The following FSTL5 variants were observed in gnomAD, a reference collection of about 807,000 sequenced individuals.
The protein encoded by FSTL5 is follistatin-related protein 5.
Under a neutral mutation model 89.1 loss-of-function variants are expected in FSTL5, and 62 were observed. The observed-to-expected ratio is 0.70, with a 90% CI of 0.57 to 0.86. The LOEUF (loss-of-function observed/expected upper bound fraction) is 0.86. FSTL5 is among the 40% of genes least tolerant of loss of function. The probability of loss-of-function intolerance (pLI) is 0.00; values close to 1 mark genes in which losing one functional copy is unlikely to be tolerated. For synonymous variants in FSTL5, 383 were observed against 346.2 expected, an observed-to-expected ratio of 1.11 and a Z score of -1.18; for missense variants, 1,057 against 1,001.6, an observed-to-expected ratio of 1.06 and a Z score of -0.75.
At chr4:161,433,000 T>C (rs549854948) in intron 15 of FSTL5, among the ~76,000 whole-genome samples, 13 of 151,792 alleles carry the variant, frequency 8.6e-5, no homozygotes, top group Non-Finnish European at 1.6e-4. Flanking sequence ...TTACCAAACA[T>C]TGAAAGAACT....
chr4:161,760,274 G>A (rs1323833710), intron 5 of FSTL5, among the ~76,000 whole-genome samples: 1 of 152,104 alleles, frequency 6.6e-6, no homozygotes, highest in Non-Finnish European at 1.5e-5. Context: ...ATATAACAGA[G>A]CTTACCAAGA....
chr4:161,693,016 C>A (rs1738000254), intron 6 of FSTL5, among the ~76,000 whole-genome samples: 2 of 152,236 alleles, frequency 1.3e-5, no homozygotes, highest in South Asian at 4.1e-4. Flanking sequence ...GCCACTACGC[C>A]CAGCCACTTG....
chr4:161,512,780 G>T (rs76978798), intron 10 of FSTL5, among the ~76,000 whole-genome samples: 5,555 of 152,104 alleles, frequency 0.037, 343 homozygotes, highest in African/African-American at 0.12. Context: ...TGTTTTAACT[G>T]TTAAAGTTGG....
At chr4:161,831,392 C>T (rs1249520104) in intron 4 of FSTL5, among the ~76,000 whole-genome samples, 1 of 151,712 alleles carries the variant, frequency 6.6e-6, no homozygotes, top group East Asian at 1.9e-4. Context: ...GCACCATTTG[C>T]CTGGCTATTA....
At chr4:161,686,020 AT>A (rs1007568747) in intron 6 of FSTL5, among the ~76,000 whole-genome samples, 33 of 148,566 alleles carry the variant, frequency 2.2e-4, no homozygotes, top group African/African-American at 3.2e-4. Context: ...TGGTCATGTA[AT>A]TTTTTTTTTA....
intron 4 of FSTL5, among the ~76,000 whole-genome samples, chr4:161,904,688 AG>A (rs1442201401): frequency 6.6e-6 from 1 of 151,864 alleles, no homozygotes; most frequent in African/African-American, 2.4e-5. Flanking sequence ...TACTTAGTAA[AG>A]AAAAAAATAT....
chr4:161,824,776 CA>C (rs1360387629), intron 4 of FSTL5, among the ~76,000 whole-genome samples: 3 of 152,084 alleles, frequency 2.0e-5, no homozygotes, highest in African/African-American at 7.2e-5. Flanking sequence ...CTGATTTGTG[CA>C]TATTAATTTT....
At chr4:161,872,128 G>GTTTTTTTTTT in intron 4 of FSTL5, among the ~76,000 whole-genome samples, 1 of 64,146 alleles carries the variant, frequency 1.6e-5, no homozygotes, top group Non-Finnish European at 3.4e-5. Flanking sequence ...TTTGTAGTTT[G>GTTTTTTTTTT]TTTTTTTTTT....
chr4:161,995,143 T>C (rs1025321569), intron 3 of FSTL5, among the ~76,000 whole-genome samples: 1 of 152,118 alleles, frequency 6.6e-6, no homozygotes. Context: ...TGTACTCTGA[T>C]AGAATGCAAG....
intron 13 of FSTL5, among the ~76,000 whole-genome samples, chr4:161,480,428 A>G (rs1729457311): frequency 6.6e-6 from 1 of 152,226 alleles, no homozygotes; most frequent in Non-Finnish European, 1.5e-5. Flanking sequence ...AACTGATTTC[A>G]GGTAAAGAGC....
intron 8 of FSTL5, among the ~76,000 whole-genome samples, chr4:161,550,557 TTTTA>T (rs35953683): frequency 0.082 from 11,621 of 142,140 alleles, 495 homozygotes; most frequent in Non-Finnish European, 0.087. Context: ...GTAACTTCTT[TTTTA>T]TTTATTTATT....
Position 161,386,250 on chromosome 4 carries a change from C to A in FSTL5, c.2041G>T (p.Gly681Cys). The A allele has an allele frequency of 6.2e-7, 1 of 1,613,958 alleles. No homozygotes were observed. Among genetic ancestry groups the A allele is most frequent in the Non-Finnish European group, 8.5e-7 (1 of 1,179,952 alleles). The stretch of plus-strand genomic sequence containing the variant: ...AACCCAATGACTGAGTCAGTTACAC[C>A]GTCCACCATGACCTGTGGGGAAACT... ...GAVSPQVMVD[G>C]VTDSVIGFNS... is the part of the protein sequence containing the mutation. Residue 681 changes from glycine to cysteine, a missense_variant, in exon 16 of 16, where the codon GGT (glycine) becomes TGT (cysteine). Transcript: ENST00000306100.
intron 4 of FSTL5, among the ~76,000 whole-genome samples, chr4:161,789,883 G>T (rs1579094523): frequency 6.6e-6 from 1 of 152,208 alleles, no homozygotes; most frequent in African/African-American, 2.4e-5. Context: ...AAATGAAAAG[G>T]TAATCCAGAT....
chr4:161,457,633 CT>C (rs1220302269), intron 14 of FSTL5, among the ~76,000 whole-genome samples: 25 of 151,438 alleles, frequency 1.7e-4, no homozygotes, highest in Admixed American at 9.2e-4. Context: ...ATATATGCAG[CT>C]TTAGTTTTTT....
intron 3 of FSTL5, among the ~76,000 whole-genome samples, chr4:162,014,740 T>C (rs1578948124): frequency 6.6e-6 from 1 of 152,132 alleles, no homozygotes; most frequent in South Asian, 2.1e-4. Flanking sequence ...CTAAAATCTT[T>C]TTTTAAAAGT....
At chr4:162,046,491 A>G (rs1738185226) in intron 2 of FSTL5, among the ~76,000 whole-genome samples, 1 of 152,162 alleles carries the variant, frequency 6.6e-6, no homozygotes, top group African/African-American at 2.4e-5. Flanking sequence ...GTTAAGCATA[A>G]CCAACTGCAT....
At chr4:161,762,810 C>CT (rs577037302) in intron 5 of FSTL5, among the ~76,000 whole-genome samples, 47 of 151,388 alleles carry the variant, frequency 3.1e-4, no homozygotes, top group Non-Finnish European at 4.0e-4. Flanking sequence ...ATCTTTTACA[C>CT]TTTTTTTTTC....
At chr4:161,923,664 T>C (rs1173455019) in intron 3 of FSTL5, among the ~76,000 whole-genome samples, 3 of 151,794 alleles carry the variant, frequency 2.0e-5, no homozygotes, top group Admixed American at 6.6e-5. Flanking sequence ...TAGTCACAAA[T>C]TGAGGTAGCT....
At chr4:161,875,309 A>C (rs920279210) in intron 4 of FSTL5, among the ~76,000 whole-genome samples, 1 of 152,154 alleles carries the variant, frequency 6.6e-6, no homozygotes, top group African/African-American at 2.4e-5. Context: ...GGCTGTCCCC[A>C]ACAAATCAGG....
Sources: allele counts gnomAD v4.1 joint callset (sites outside exome capture counted in the v4.1 genomes callset), GRCh38; gene constraint gnomAD v4.1.1; transcripts MANE v1.5; gene names NCBI Gene and HGNC (gene_info 2026-07-23, HGNC 2026-07-21).